The following ARID2 variants were observed in gnomAD, a reference collection of about 807,000 sequenced individuals.
ARID2 encodes AT-rich interactive domain-containing protein 2.
In ARID2, 32 loss-of-function variants were observed where a neutral mutation model predicts 184.6. That is an observed-to-expected ratio of 0.17 (90% confidence interval 0.13 to 0.23). The LOEUF (loss-of-function observed/expected upper bound fraction) is 0.23. ARID2 is among the 10% of genes least tolerant of loss of function. ARID2 has a pLI of 1.00. For missense variants in ARID2, 1,696 were observed against 2,197.6 expected (o/e 0.77, Z 4.56); for synonymous variants, 836 against 772.6 (o/e 1.08, Z -1.36).
chr12:45,736,759 G>A (rs1229356634), intron 3 of ARID2, among the ~76,000 whole-genome samples: 4 of 152,182 alleles, frequency 2.6e-5, no homozygotes, highest in African/African-American at 9.7e-5. Context: ...AAAAGAAGAC[G>A]AAATGAACTT....
At position 45,843,982 on chromosome 12, in the gene ARID2, C is replaced by T. The variant is rs77044449; in HGVS notation, c.1499-2874C>T. Reference sequence around the variant, plus strand: ...TTAACAGTTGAATTTGCCATGAGTTCGTAATCTGAATGAAATAAAATACCA... The same window carrying T: ...TTAACAGTTGAATTTGCCATGAGTTTGTAATCTGAATGAAATAAAATACCA... On this transcript the variant is annotated intron_variant, in intron 11 of 20. Transcript: ENST00000334344. 6.0e-3 allele frequency among the ~76,000 whole-genome samples: 920 copies of T among 152,202 alleles called. 16 individuals are homozygous for T. The highest frequency in any genetic ancestry group is 0.021 in the African/African-American group (854 of 41,546).
At chr12:45,868,796 G>C (rs1943870589) in intron 16 of ARID2, among the ~76,000 whole-genome samples, 1 of 152,110 alleles carries the variant, frequency 6.6e-6, no homozygotes, top group African/African-American at 2.4e-5. Context: ...TGGATCACTT[G>C]TTATCCCCTT....
Position 45,852,418 on chromosome 12 carries a change from A to C in ARID2, c.4295A>C (p.Gln1432Pro). ...TLGGSSVSSI[Q>P]EASNAATQQF... ...GGTGGTTCATCTGTGAGCAGTATAC[A>C]GGAGGCTTCAAATGCGGCAACACAG... Residue 1432 changes from glutamine (Q) to proline (P), a missense_variant, in exon 15 of 21, where the codon CAG becomes CCG. Physicochemically the swap from Gln to Pro is moderately conservative, Grantham distance 76 (BLOSUM62 -1). Around this residue, in one of 11 missense-constraint regions of ARID2, gnomAD observed 428 missense variants for 409.1 expected, o/e 1.05. Transcript: ENST00000334344. 6.2e-7 allele frequency: 1 copy of C among 1,614,180 alleles called. No individual in the cohort carries two copies. Among genetic ancestry groups the C allele is most frequent in the East Asian group, 2.2e-5 (1 of 44,884 alleles).
intron 12 of ARID2, 68 bp from the exon 13 acceptor site, chr12:45,848,768 T>G (rs1170195100): frequency 1.4e-6 from 2 of 1,386,688 alleles, no homozygotes; most frequent in Admixed American, 4.7e-5. Flanking sequence ...TCCACATGGC[T>G]TTAGTATATT....
intron 3 of ARID2, among the ~76,000 whole-genome samples, chr12:45,761,405 T>C (rs1941676222): frequency 6.6e-6 from 1 of 152,156 alleles, no homozygotes; most frequent in Non-Finnish European, 1.5e-5. Flanking sequence ...AAGAAGGTCT[T>C]TTTTTTGTGG....
At chr12:45,768,297 G>C (rs1035264576) in intron 3 of ARID2, among the ~76,000 whole-genome samples, 34 of 152,154 alleles carry the variant, frequency 2.2e-4, no homozygotes, top group Middle Eastern at 3.4e-3. Context: ...TCATGGTACA[G>C]AGGCTGTACC....
chr12:45,787,135 C>T (rs1942209706), intron 3 of ARID2, among the ~76,000 whole-genome samples: 1 of 151,668 alleles, frequency 6.6e-6, no homozygotes, highest in Non-Finnish European at 1.5e-5. Context: ...GTGCTTTCAC[C>T]ACAAAAAGTG....
chr12:45,813,712 C>T (rs933961548), intron 4 of ARID2, among the ~76,000 whole-genome samples: 11 of 151,966 alleles, frequency 7.2e-5, no homozygotes, highest in African/African-American at 2.4e-4. Context: ...TATAGAACAT[C>T]GTACACTGAT....
rs774871167 is a variant in ARID2, at chr12:45,836,721, A to T, written c.773-20A>T. On this transcript the variant is annotated intron_variant, in intron 7 of 20. Transcript: ENST00000334344. ...ATTAATAAATGAAATATTAAGTGAA[A>T]TATGTATTTTCTATTGTAGAAGGTA... The T allele has an allele frequency of 3.1e-6, 5 of 1,600,820 alleles. No homozygotes were observed. The highest frequency in any genetic ancestry group is 4.3e-6 in the Non-Finnish European group (5 of 1,173,708).
rs77558618 is a variant in ARID2 at position 45,902,253 on chromosome 12, G to A, written c.5364-2681G>A. ...ATGTTTTGTTTTATATCAAAACAAA[G>A]TGAGTGCTTAATTTTTTAAAACCTC... On this transcript the variant is annotated intron_variant, in intron 20 of 20. Transcript: ENST00000334344. Among the ~76,000 whole-genome samples the A allele has an allele frequency of 3.3e-3, 498 of 152,168 alleles. 2 individuals are homozygous for A. The highest frequency in any genetic ancestry group is 5.7e-3 in the Non-Finnish European group (390 of 67,994).
chr12:45,860,808 C>T lies in ARID2; in HGVS notation c.4781C>T (p.Pro1594Leu). ...ATTTGTTCTTTTTCACAGAACACTCCTATGCCACCTTCACCAGCTGTACAA... is the reference window on the plus strand; with the variant it reads ...ATTTGTTCTTTTTCACAGAACACTCTTATGCCACCTTCACCAGCTGTACAA... ...YVQNVVPQNT[P>L]MPPSPAVQVQ... The change falls in exon 16 of 21, where the codon CCT (proline) becomes CTT (leucine). Residue 1594 changes from proline to leucine, a missense_variant. Coordinates refer to ENST00000334344, the MANE Select transcript of ARID2 (RefSeq NM_152641.4). 1 of 1,587,904 alleles carries T rather than the reference C, an allele frequency of 6.3e-7. No homozygotes were observed.
At chr12:45,827,216 T>C (rs1162251059) in intron 6 of ARID2, among the ~76,000 whole-genome samples, 1 of 151,988 alleles carries the variant, frequency 6.6e-6, no homozygotes, top group Non-Finnish European at 1.5e-5. Context: ...AGTTACACTT[T>C]TCATATTGTT....
At chr12:45,800,959 A>C (rs1401542383) in intron 3 of ARID2, among the ~76,000 whole-genome samples, 1 of 152,184 alleles carries the variant, frequency 6.6e-6, no homozygotes, top group Non-Finnish European at 1.5e-5. Context: ...AATAATGAGT[A>C]AATAAACGAG....
chr12:45,760,544 T>C (rs548299430), intron 3 of ARID2, among the ~76,000 whole-genome samples: 1 of 152,280 alleles, frequency 6.6e-6, no homozygotes, highest in Admixed American at 6.5e-5. Flanking sequence ...TTTTTTGTGT[T>C]TTTGCACACA....
chr12:45,900,083 CAG>C lies in ARID2; in HGVS notation c.5364-4848_5364-4847del, dbSNP rs531998378. On this transcript the variant is annotated intron_variant, in intron 20 of 20. Transcript: ENST00000334344. ...TCTTTTTTATTTTTATTTTTTGAGACAGAGTCTCGCTCTGTCACCCAGACTGG... is the reference window on the plus strand; with the variant it reads ...TCTTTTTTATTTTTATTTTTTGAGACAGTCTCGCTCTGTCACCCAGACTGG... 7.0e-3 allele frequency among the ~76,000 whole-genome samples: 1,069 copies of C among 152,026 alleles called. 10 individuals are homozygous for C. Among genetic ancestry groups the C allele is most frequent in the African/African-American group, 0.024 (1,009 of 41,480 alleles).
In ARID2 at chr12:45,851,754, G is replaced by A. The variant is rs146617999; in HGVS notation, c.3631G>A (p.Gly1211Arg). 1 of 1,614,058 alleles carries A rather than the reference G, an allele frequency of 6.2e-7. No homozygotes were observed. ...ITMSGTQTGV[G>R]LPVQTLPATQ... ...CATGAGCGGAACGCAGACAGGAGTT[G>A]GACTTCCAGTACAAACGCTTCCAGC... Residue 1211 changes from glycine (G) to arginine (R), a missense_variant, in exon 15 of 21, where the codon GGA (glycine) becomes AGA (arginine). Around this residue, in one of 11 missense-constraint regions of ARID2, gnomAD observed 428 missense variants for 409.1 expected, o/e 1.05. Coordinates refer to ENST00000334344, the MANE Select transcript of ARID2 (RefSeq NM_152641.4).
intron 16 of ARID2, among the ~76,000 whole-genome samples, chr12:45,861,220 A>T (rs1565628678): frequency 6.6e-6 from 1 of 152,192 alleles, no homozygotes; most frequent in African/African-American, 2.4e-5. Context: ...TTAAGAATTT[A>T]ATTATATATT....
chr12:45,880,910 TGTTTGGGGGGACACAACACTAGA>T (rs1170673647), intron 16 of ARID2: 3 of 198,068 alleles, frequency 1.5e-5, no homozygotes, highest in Non-Finnish European at 3.2e-5. Context: ...CAGTTTTGGC[TGTTTGGGGGGACACAACACTAGA>T]GTTTAATCTT....
chr12:45,749,882 G>A (rs1773578514), intron 3 of ARID2, among the ~76,000 whole-genome samples: 1 of 152,146 alleles, frequency 6.6e-6, no homozygotes, highest in African/African-American at 2.4e-5. Flanking sequence ...ATTAGGCTTT[G>A]GCTTAAAGGA....
Sources: allele counts gnomAD v4.1 joint callset (sites outside exome capture counted in the v4.1 genomes callset), GRCh38; gene constraint gnomAD v4.1.1; regional missense constraint gnomAD v4.1.1; transcripts MANE v1.5; gene names NCBI Gene and HGNC (gene_info 2026-07-23, HGNC 2026-07-21).